The following PTPN11 variants were observed in gnomAD, a reference collection of about 807,000 sequenced individuals.
PTPN11 encodes the protein tyrosine-protein phosphatase non-receptor type 11.
PTPN11 carries 6 observed loss-of-function variants against 78.8 expected under a neutral mutation model. That is an observed-to-expected ratio of 0.08 (90% CI 0.04 to 0.15). PTPN11 has a LOEUF of 0.15. Among genes scored for constraint, PTPN11 ranks in the 10% least tolerant of loss-of-function variants. PTPN11 has a pLI of 1.00. For synonymous variants in PTPN11, 221 were observed against 263.5 expected (o/e 0.84, Z 1.56); for missense variants, 386 against 744.8 (o/e 0.52, Z 5.61).
Position 112,473,740 on chromosome 12 carries a change from G to A in PTPN11, c.853+700G>A, listed in dbSNP as rs532667668. Reference sequence around the variant, plus strand: ...TGTGCGCCTGTAATCCCAGCTACTCGGGAGGCTGAGGCGGGAAATTGGTTG... The same window carrying A: ...TGTGCGCCTGTAATCCCAGCTACTCAGGAGGCTGAGGCGGGAAATTGGTTG... On this transcript the variant is annotated intron_variant, in intron 7 of 15. Transcript: ENST00000351677. Among the ~76,000 whole-genome samples the A allele has an allele frequency of 7.2e-5, 11 of 151,966 alleles. No individual in the cohort carries two copies. In the South Asian group the frequency reaches 2.3e-3, roughly 32 times the overall value.
intron 7 of PTPN11, among the ~76,000 whole-genome samples, chr12:112,474,375 G>A (rs1327751308): frequency 1.3e-5 from 2 of 151,806 alleles, no homozygotes; most frequent in Non-Finnish European, 2.9e-5. Context: ...AACAAAAAAC[G>A]ATTTAAAAAA....
rs555993644 is a variant in PTPN11 at position 112,487,135 on chromosome 12, T to C, written c.1379+506T>C. 7.8e-3 allele frequency among the ~76,000 whole-genome samples: 1,159 copies of C among 149,070 alleles called. 14 individuals are homozygous for C. The highest frequency in any genetic ancestry group is 0.027 in the African/African-American group (1,106 of 40,776). On this transcript the variant is annotated intron_variant, in intron 11 of 15. Transcript: ENST00000351677. The stretch of plus-strand genomic sequence containing the variant: ...TTCTGTTCTCTCTCTCTCTCTCTCT[T>C]TTTTTTTTTTCGTTTTTGAGACAGA...
intron 15 of PTPN11, among the ~76,000 whole-genome samples, chr12:112,505,536 T>C (rs112732885): frequency 0.057 from 8,614 of 151,186 alleles, 325 homozygotes; most frequent in Middle Eastern, 0.16. Context: ...TAGCTGAGCA[T>C]GGTGGTGCAT....
At position 112,488,449 on chromosome 12, in the gene PTPN11, A is replaced by C; in HGVS notation, c.1386A>C (p.Gly462=). ...AGPVVVHCSA[G]IGRTGTFIVI... ...TTTGTCCTTCTGCCCGCAGTGCTGG[A>C]ATTGGCCGGACAGGGACGTTCATTG... The change falls in exon 12 of 16, where the codon GGA becomes GGC. Residue 462 remains glycine, a synonymous_variant. Transcript: ENST00000351677. The C allele has an allele frequency of 6.2e-7, 1 of 1,612,120 alleles. No homozygotes were observed. The highest frequency in any genetic ancestry group is 8.5e-7 in the Non-Finnish European group (1 of 1,178,208).
At chr12:112,439,420 A>C (rs2037846521) in intron 1 of PTPN11, among the ~76,000 whole-genome samples, 1 of 152,034 alleles carries the variant, frequency 6.6e-6, no homozygotes, top group South Asian at 2.1e-4. Context: ...CAGCCTCCCA[A>C]GTAGCTGGGA....
chr12:112,507,794 C>T lies in PTPN11; in HGVS notation c.*2002C>T, dbSNP rs937820540. On this transcript the variant is annotated 3_prime_UTR_variant, in exon 16 of 16. Coordinates refer to ENST00000351677, the MANE Select transcript of PTPN11 (RefSeq NM_002834.5). ...ACTTTGGGGTAGTTTGGCTGCCATT[C>T]TCACTGACAAAATGTATATCAGCCC... The T allele has an allele frequency of 1.2e-4, 18 of 152,740 alleles. No homozygotes were observed. Among genetic ancestry groups the T allele is most frequent in the African/African-American group, 4.3e-4 (18 of 41,550 alleles). The allele number at this position is 152,740 out of a possible 1,614,324, so 9.5% of individuals were successfully genotyped here.
At chr12:112,463,320 A>G (rs1256433670) in intron 6 of PTPN11, among the ~76,000 whole-genome samples, 1 of 152,110 alleles carries the variant, frequency 6.6e-6, no homozygotes, top group Non-Finnish European at 1.5e-5. Flanking sequence ...GGCTCAAATG[A>G]TCCTCCTGCC....
At chr12:112,468,048 C>G (rs2038357387) in intron 6 of PTPN11, among the ~76,000 whole-genome samples, 2 of 152,196 alleles carry the variant, frequency 1.3e-5, no homozygotes, top group Non-Finnish European at 2.9e-5. Context: ...TAACTAGCCT[C>G]TGGTCCTTTT....
chr12:112,447,824 A>G (rs1250985862), intron 2 of PTPN11, among the ~76,000 whole-genome samples: 2 of 129,768 alleles, frequency 1.5e-5, no homozygotes, highest in Non-Finnish European at 1.6e-5. Context: ...TTTTTGAGAC[A>G]AAGTCTTGCT....
chr12:112,470,967 T>C (rs2038406065), intron 6 of PTPN11, among the ~76,000 whole-genome samples: 1 of 152,222 alleles, frequency 6.6e-6, no homozygotes, highest in Non-Finnish European at 1.5e-5. Context: ...GCAAACTGCC[T>C]TAACTCCTTA....
chr12:112,466,716 TAAGA>T (rs1441278118), intron 6 of PTPN11, among the ~76,000 whole-genome samples: 3 of 152,044 alleles, frequency 2.0e-5, no homozygotes, highest in Non-Finnish European at 4.4e-5. Flanking sequence ...ATAAAAAATT[TAAGA>T]AAGAAAAAAA....
chr12:112,461,326 T>A (rs1284102590), intron 6 of PTPN11, among the ~76,000 whole-genome samples: 1 of 151,890 alleles, frequency 6.6e-6, no homozygotes, highest in African/African-American at 2.4e-5. Flanking sequence ...TAAGCAGTTT[T>A]CTTTTCTTTT....
At chr12:112,502,954 C>T (rs1479620113) in intron 14 of PTPN11, among the ~76,000 whole-genome samples, 1 of 152,054 alleles carries the variant, frequency 6.6e-6, no homozygotes, top group African/African-American at 2.4e-5. Context: ...ATAAATTGAC[C>T]ACTAATGTGT....
intron 6 of PTPN11, among the ~76,000 whole-genome samples, chr12:112,471,275 A>C (rs1409153659): frequency 1.3e-5 from 2 of 152,066 alleles, no homozygotes; most frequent in Non-Finnish European, 2.9e-5. Flanking sequence ...TTTATATATA[A>C]ATTTTCTTTT....
At chr12:112,421,920 G>A (rs748211694) in intron 1 of PTPN11, among the ~76,000 whole-genome samples, 1 of 152,254 alleles carries the variant, frequency 6.6e-6, no homozygotes, top group Admixed American at 6.5e-5. Context: ...GAGCTATTGC[G>A]TCCCGCCTTC....
chr12:112,499,522 T>A (rs1315216722), intron 13 of PTPN11, among the ~76,000 whole-genome samples: 1 of 151,990 alleles, frequency 6.6e-6, no homozygotes, highest in Non-Finnish European at 1.5e-5. Context: ...GTATTTTTAG[T>A]AGAGATGGGG....
chr12:112,485,973 T>G (rs2038668249), intron 10 of PTPN11, among the ~76,000 whole-genome samples: 1 of 145,236 alleles, frequency 6.9e-6, no homozygotes, highest in Non-Finnish European at 1.5e-5. Flanking sequence ...AGAGTAAGAC[T>G]CTGTCTTGGA....
rs1175081301 is a variant in PTPN11, at chr12:112,505,975, A to G, written c.*183A>G. ...ACCATTTAAAGACCACTGTATTTTA[A>G]CTCAACAATACCTGCTTCCCAATTA... On this transcript the variant is annotated 3_prime_UTR_variant, in exon 16 of 16. Coordinates refer to ENST00000351677, the MANE Select transcript of PTPN11 (RefSeq NM_002834.5). 2 of 152,488 alleles carry G rather than the reference A, an allele frequency of 1.3e-5. No individual in the cohort carries two copies. The highest frequency in any genetic ancestry group is 2.9e-5 in the Non-Finnish European group (2 of 68,036). The allele number at this position is 152,488 out of a possible 1,614,324, so 9.4% of individuals were successfully genotyped here.
chr12:112,499,918 G>A (rs1398332779), intron 13 of PTPN11, among the ~76,000 whole-genome samples: 1 of 148,110 alleles, frequency 6.8e-6, no homozygotes, highest in Non-Finnish European at 1.5e-5. Flanking sequence ...CTCTAGTCTG[G>A]GTGACAGTGT....
Sources: allele counts gnomAD v4.1 joint callset (sites outside exome capture counted in the v4.1 genomes callset), GRCh38; gene constraint gnomAD v4.1.1; transcripts MANE v1.5; gene names NCBI Gene and HGNC (gene_info 2026-07-23, HGNC 2026-07-21).